TRIM34: variants seen among roughly 807,000 people sequenced by gnomAD.
TRIM34 encodes E3 ubiquitin-protein ligase TRIM34.
In TRIM34, 41 loss-of-function variants were observed where a neutral mutation model predicts 38.1. The ratio of observed to expected loss-of-function variants is 1.08; its 90% CI spans 0.84 to 1.40. The LOEUF (loss-of-function observed/expected upper bound fraction) is 1.40. Among genes scored for constraint, TRIM34 ranks in the 40% most tolerant of loss-of-function variants. TRIM34 has a pLI of 0.00. For synonymous variants in TRIM34, 200 were observed against 202.5 expected (o/e 0.99, Z 0.10); for missense variants, 556 against 571.4 (o/e 0.97, Z 0.27).
In TRIM34 at chr11:5,642,391, T is replaced by TG; in HGVS notation, c.774-15_774-14insG. ...ATGAGAGATGTGGGGGTCAAAAAAT[T>TG]TTTTTCATCCCTAGGAGTGAGATCT... On this transcript the variant is annotated splice_polypyrimidine_tract_variant and intron_variant, in intron 5 of 7. Transcript: ENST00000429814. 1 of 1,609,776 alleles carries TG rather than the reference T, an allele frequency of 6.2e-7. No homozygotes were observed. Among genetic ancestry groups the TG allele is most frequent in the Non-Finnish European group, 8.5e-7 (1 of 1,178,788 alleles).
intron 1 of TRIM34, chr11:5,626,575 G>A (rs1053367587): frequency 6.6e-6 from 1 of 152,182 alleles, no homozygotes; most frequent in African/African-American, 2.4e-5. Flanking sequence ...AGTGTGCCTG[G>A]AGAGGCATAA....
intron 2 of TRIM34, 115 bp from the exon 3 acceptor site, chr11:5,633,689 A>G: frequency 1.0e-6 from 1 of 999,432 alleles, no homozygotes. Flanking sequence ...CACCAGCTTC[A>G]CAGTTTCTGT....
intron 1 of TRIM34, among the ~76,000 whole-genome samples, chr11:5,625,852 T>C (rs1174672630): frequency 1.3e-5 from 2 of 152,258 alleles, no homozygotes; most frequent in East Asian, 3.8e-4. Context: ...TTGGCATTGA[T>C]TTGTAACCTC....
intron 4 of TRIM34, 93 bp downstream of exon 4, chr11:5,634,954 T>C: frequency 7.0e-7 from 1 of 1,421,706 alleles, no homozygotes; most frequent in Non-Finnish European, 9.4e-7. Flanking sequence ...AGGGGTTTCT[T>C]TGGCCTTGCA....
intron 3 of TRIM34, among the ~76,000 whole-genome samples, chr11:5,634,421 CTGATT>C (rs576235086): frequency 1.8e-3 from 265 of 150,142 alleles, no homozygotes; most frequent in South Asian, 5.0e-3. Flanking sequence ...TACTCCCTTG[CTGATT>C]TGAACTCCCT....
chr11:5,643,058 C>T, intron 7 of TRIM34, 86 bp from the exon 8 acceptor site: 1 of 1,288,356 alleles, frequency 7.8e-7, no homozygotes. Flanking sequence ...CTAGATAAAC[C>T]TACTCCATAT....
chr11:5,620,322 C>T (rs1420684737), upstream of TRIM34, among the ~76,000 whole-genome samples: 2 of 151,350 alleles, frequency 1.3e-5, no homozygotes, highest in Non-Finnish European at 2.9e-5. Context: ...GGACTACAGG[C>T]GCGCGCCACT....
intron 4 of TRIM34, among the ~76,000 whole-genome samples, chr11:5,636,532 TAAAAAC>T (rs1849741831): frequency 6.6e-6 from 1 of 152,182 alleles, no homozygotes; most frequent in South Asian, 2.1e-4. Flanking sequence ...TACATCTCAG[TAAAAAC>T]AAAAACAAAA....
At chr11:5,642,869 A>T in intron 7 of TRIM34, 26 bp downstream of exon 7, 1 of 1,613,556 alleles carries the variant, frequency 6.2e-7, no homozygotes, top group Non-Finnish European at 8.5e-7. Context: ...TCTTTAAATA[A>T]CTGTTTTCCA....
At chr11:5,629,245 C>G (rs1849376874) in intron 1 of TRIM34, among the ~76,000 whole-genome samples, 1 of 152,064 alleles carries the variant, frequency 6.6e-6, no homozygotes, top group Non-Finnish European at 1.5e-5. Flanking sequence ...CCATTGCATT[C>G]CAGCCTGGGC....
At chr11:5,638,123 T>C (rs1212312892) in intron 4 of TRIM34, among the ~76,000 whole-genome samples, 1 of 152,250 alleles carries the variant, frequency 6.6e-6, no homozygotes, top group Admixed American at 6.5e-5. Context: ...TATTTTAAGT[T>C]GGACATCTGA....
chr11:5,629,689 C>A (rs1359908774), intron 1 of TRIM34, among the ~76,000 whole-genome samples: 1 of 152,150 alleles, frequency 6.6e-6, no homozygotes, highest in African/African-American at 2.4e-5. Flanking sequence ...TTCAGGTGAG[C>A]TCTCCGTGAG....
intron 1 of TRIM34, among the ~76,000 whole-genome samples, chr11:5,627,569 A>G (rs570700643): frequency 6.6e-5 from 10 of 152,332 alleles, no homozygotes; most frequent in African/African-American, 2.2e-4. Flanking sequence ...AATGAAAATG[A>G]TTCTATGTTA....
At chr11:5,628,817 T>TTG (rs1849357012) in intron 1 of TRIM34, among the ~76,000 whole-genome samples, 1 of 151,780 alleles carries the variant, frequency 6.6e-6, no homozygotes. Flanking sequence ...TTTTTTTTTT[T>TTG]CAGAAGGCTC....
chr11:5,628,808 T>TTC (rs1257252739), intron 1 of TRIM34, among the ~76,000 whole-genome samples: 1 of 151,436 alleles, frequency 6.6e-6, no homozygotes, highest in Non-Finnish European at 1.5e-5. Context: ...CAAAGTTGAT[T>TTC]TTTTTTTTTC....
At position 5,630,854 on chromosome 11, in the gene TRIM34, C is replaced by T. The variant is rs1445040199; in HGVS notation, c.-77-1401C>T. Among the ~76,000 whole-genome samples, 3 of 152,326 alleles carry T rather than the reference C, an allele frequency of 2.0e-5. No individual in the cohort carries two copies. In the East Asian group the frequency reaches 5.8e-4, roughly 29 times the overall value. On this transcript the variant is annotated intron_variant, in intron 1 of 7. Coordinates refer to ENST00000429814, the MANE Select transcript of TRIM34 (RefSeq NM_021616.6). ...TTTATTCTGGCTAATACCATCTGTT[C>T]ATTACTCAACTTTGGATTTTAATCC...
chr11:5,634,659 T>C lies in TRIM34; in HGVS notation c.548T>C (p.Ile183Thr). The C allele has an allele frequency of 6.2e-7, 1 of 1,613,698 alleles. No individual in the cohort carries two copies. The highest frequency in any genetic ancestry group is 1.1e-5 in the South Asian group (1 of 91,060). ...CAGGTACAAACTGAGAGACAAAGGA[T>C]ACAAACAGAATTTGATCAGCTTAGA... ...KYQVQTERQR[I>T]QTEFDQLRSI... The change falls in exon 4 of 8, where the codon ATA (isoleucine) becomes ACA (threonine). Residue 183 changes from isoleucine (I) to threonine (T), a missense_variant. Transcript: ENST00000429814.
At chr11:5,642,678 T>C (rs770327968) in intron 6 of TRIM34, 139 bp from the exon 7 acceptor site, 2 of 1,317,258 alleles carry the variant, frequency 1.5e-6, no homozygotes, top group African/African-American at 4.0e-5. Context: ...AATGGCTAGG[T>C]CTCTGGTTTA....
chr11:5,632,287 A>C lies in TRIM34; in HGVS notation c.-45A>C. 2 of 1,612,934 alleles carry C rather than the reference A, an allele frequency of 1.2e-6. No individual in the cohort carries two copies. The highest frequency in any genetic ancestry group is 1.7e-6 in the Non-Finnish European group (2 of 1,179,454). On this transcript the variant is annotated 5_prime_UTR_variant, in exon 2 of 8. Coordinates refer to ENST00000429814, the MANE Select transcript of TRIM34 (RefSeq NM_021616.6). ...GGGGTCTTTAACCAGAAGAGAGAGG[A>C]GAGCCTCAGGAGTTAGGACCAGAAG...
Sources: gnomAD v4.1 joint callset for allele counts (sites outside exome capture counted in the v4.1 genomes callset) on GRCh38, gnomAD v4.1.1 for gene constraint, MANE v1.5 for transcripts, NCBI Gene and HGNC (gene_info 2026-07-23, HGNC 2026-07-21) for gene names.